BATF2: variants seen among roughly 807,000 people sequenced by gnomAD.
The protein encoded by BATF2 is basic leucine zipper ATF-like transcription factor 2, also known as basic leucine zipper transcriptional factor ATF-like 2.
In BATF2, 4 loss-of-function variants were observed where a neutral mutation model predicts 7.3. The observed-to-expected ratio is 0.55, with a 90% CI of 0.27 to 1.26. BATF2 has a LOEUF of 1.26. Among genes scored for constraint, BATF2 ranks in the 50% most tolerant of loss-of-function variants. BATF2 has a pLI of 0.11. For missense variants in BATF2, 295 were observed against 340.5 expected (o/e 0.87, Z 1.05); for synonymous variants, 152 against 153.9 (o/e 0.99, Z 0.09).
chr11:64,994,324 A>T, intron 2 of BATF2, 124 bp downstream of exon 2: 1 of 942,326 alleles, frequency 1.1e-6, no homozygotes, highest in Non-Finnish European at 1.6e-6. Flanking sequence ...CTCATCCCAA[A>T]CTCAGGTGAC....
At chr11:64,991,153 A>ATTT (rs986602706) in intron 2 of BATF2, among the ~76,000 whole-genome samples, 4 of 113,020 alleles carry the variant, frequency 3.5e-5, no homozygotes, top group South Asian at 3.0e-4. Flanking sequence ...GGAATGATGA[A>ATTT]TTTTTTTTTT....
chr11:64,994,979 G>C (rs996140818), intron 1 of BATF2, among the ~76,000 whole-genome samples: 16 of 152,120 alleles, frequency 1.1e-4, no homozygotes, highest in Non-Finnish European at 2.2e-4. Flanking sequence ...CTCCCAAGTA[G>C]CTGGGACTAC....
At chr11:64,990,610 A>C in intron 2 of BATF2, 2 of 1,023,482 alleles carry the variant, frequency 2.0e-6, no homozygotes, top group South Asian at 7.7e-5. Flanking sequence ...ATCAATGTGC[A>C]GTTCTAAATA....
chr11:64,992,781 GA>G (rs1230252054), intron 2 of BATF2, among the ~76,000 whole-genome samples: 1 of 151,952 alleles, frequency 6.6e-6, no homozygotes, highest in Admixed American at 6.6e-5. Context: ...AGGATCGCTT[GA>G]GCCTGGGAAG....
intron 2 of BATF2, among the ~76,000 whole-genome samples, chr11:64,990,892 A>C (rs1204870286): frequency 3.3e-5 from 5 of 151,570 alleles, no homozygotes; most frequent in Non-Finnish European, 7.4e-5. Flanking sequence ...CCAGGTTCAC[A>C]CCATTCTCCT....
chr11:64,993,220 C>T (rs1351325747), intron 2 of BATF2, among the ~76,000 whole-genome samples: 2 of 151,818 alleles, frequency 1.3e-5, no homozygotes, highest in African/African-American at 2.4e-5. Flanking sequence ...ATTAGGTGGG[C>T]GTAGTGGCGC....
chr11:64,989,762 C>T lies in BATF2; in HGVS notation c.192G>A (p.Gln64=), dbSNP rs977471241. The change falls in exon 3 of 3, where the codon CAG becomes CAA. Residue 64 remains glutamine, a synonymous_variant. Transcript: ENST00000301887. This position sits in a 1 kb window ranked among gnomAD's most constrained non-coding sequence, Gnocchi z 4.3. ...ACCACGCCAGCTCGGCCTGCAGGGACTGGATCTCCTTCCGCAGGGCGAGGT... is the reference window on the plus strand; with the variant it reads ...ACCACGCCAGCTCGGCCTGCAGGGATTGGATCTCCTTCCGCAGGGCGAGGT... ...KDNLALRKEI[Q]SLQAELAWWS... 6.2e-7 allele frequency: 1 copy of T among 1,613,884 alleles called. No homozygotes were observed. Among genetic ancestry groups the T allele is most frequent in the Non-Finnish European group, 8.5e-7 (1 of 1,180,024 alleles).
chr11:64,992,731 C>T (rs1946086244), intron 2 of BATF2, among the ~76,000 whole-genome samples: 1 of 151,542 alleles, frequency 6.6e-6, no homozygotes. Flanking sequence ...TGTGATGGTG[C>T]ATGCCTGTAG....
chr11:64,990,643 G>A, intron 2 of BATF2: 3 of 997,736 alleles, frequency 3.0e-6, no homozygotes, highest in Non-Finnish European at 3.6e-6. Flanking sequence ...GACAGTAATG[G>A]TAAAAATGCA....
At position 64,994,472 on chromosome 11, in the gene BATF2, T is replaced by C. The variant is rs372351542; in HGVS notation, c.117A>G (p.Thr39=). ...CCTGGTGCAGGGCGTCTGCCTTGTC[T>C]GTGTGCTTCTGCCGGCTTCGCTGGG... ...AAAQRSRQKH[T]DKADALHQQH... Residue 39 remains threonine, a synonymous_variant, in exon 2 of 3, where the codon ACA becomes ACG. Transcript: ENST00000301887. 1 of 1,595,864 alleles carries C rather than the reference T, an allele frequency of 6.3e-7. No individual in the cohort carries two copies. Among genetic ancestry groups the C allele is most frequent in the East Asian group, 2.3e-5 (1 of 44,186 alleles).
intron 2 of BATF2, among the ~76,000 whole-genome samples, chr11:64,993,013 T>A (rs1946088074): frequency 6.8e-6 from 1 of 147,882 alleles, no homozygotes. Context: ...ATAAAGAATA[T>A]GAAGAAATAA....
At chr11:64,990,056 G>A in intron 2 of BATF2, 1 of 1,537,008 alleles carries the variant, frequency 6.5e-7, no homozygotes, top group Non-Finnish European at 8.7e-7. Context: ...AGTGCCCTGA[G>A]CCGGTGCCAT....
intron 1 of BATF2, 113 bp downstream of exon 1, chr11:64,996,763 C>T: frequency 7.6e-7 from 1 of 1,318,242 alleles, no homozygotes; most frequent in South Asian, 1.3e-5. Flanking sequence ...TCACACTGCT[C>T]AGAGTATAGA....
intron 2 of BATF2, 63 bp downstream of exon 2, chr11:64,994,385 A>G: frequency 1.4e-6 from 2 of 1,469,834 alleles, no homozygotes; most frequent in Non-Finnish European, 1.9e-6. Flanking sequence ...TGGGATGGAG[A>G]AGAGGTGGCT....
rs1263495874 is a variant in BATF2, at chr11:64,995,786, G to A, written c.39+1090C>T. The stretch of plus-strand genomic sequence containing the variant: ...AGATTCTGAATGCTCCTAGGCTCCT[G>A]CTCCATATGCTCCCTTGGGCCATGT... On this transcript the variant is annotated intron_variant, in intron 1 of 2. Coordinates refer to ENST00000301887, the MANE Select transcript of BATF2 (RefSeq NM_138456.4). 2.6e-5 allele frequency among the ~76,000 whole-genome samples: 4 copies of A among 152,164 alleles called. No individual in the cohort carries two copies. In the South Asian group the frequency reaches 8.3e-4, roughly 32 times the overall value.
At chr11:64,991,391 GT>G (rs1016480099) in intron 2 of BATF2, among the ~76,000 whole-genome samples, 1 of 151,936 alleles carries the variant, frequency 6.6e-6, no homozygotes, top group Admixed American at 6.6e-5. Flanking sequence ...TCCTGACCTC[GT>G]GATCCGCCAG....
chr11:64,993,189 G>T (rs1946089323), intron 2 of BATF2, among the ~76,000 whole-genome samples: 1 of 152,028 alleles, frequency 6.6e-6, no homozygotes, highest in Non-Finnish European at 1.5e-5. Flanking sequence ...GTGAAACCCC[G>T]TCTCTGCTAA....
At chr11:64,993,419 C>T (rs1946090550) in intron 2 of BATF2, among the ~76,000 whole-genome samples, 1 of 152,094 alleles carries the variant, frequency 6.6e-6, no homozygotes, top group Non-Finnish European at 1.5e-5. Flanking sequence ...ATCACTCTGT[C>T]CTCTCACATG....
rs200380956 is a variant in BATF2, at chr11:64,989,398, G to T, written c.556C>A (p.Gln186Lys). 2.2e-5 allele frequency: 35 copies of T among 1,587,684 alleles called. No homozygotes were observed. The highest frequency in any genetic ancestry group is 2.8e-5 in the Non-Finnish European group (33 of 1,166,164). ...GCACTGAGCTTAGAGGAAGACCCCT[G>T]CAGGCTGGAACCAGTGTGCGAGGCA... ...LFASHTGSSL[Q>K]GSSSKLSALQ... is the part of the protein sequence containing the mutation. Residue 186 changes from glutamine (Q) to lysine (K), a missense_variant, in exon 3 of 3, where the codon CAG (glutamine) becomes AAG (lysine). By Grantham distance (53) the Gln-to-Lys change is moderately conservative. Coordinates refer to ENST00000301887, the MANE Select transcript of BATF2 (RefSeq NM_138456.4). The surrounding 1 kb of genome is among the most constrained non-coding windows in gnomAD (Gnocchi z 4.3).
Sources: gnomAD v4.1 joint callset for allele counts (sites outside exome capture counted in the v4.1 genomes callset) on GRCh38, gnomAD v4.1.1 for gene constraint, Gnocchi (gnomAD v3.1) non-coding constraint, MANE v1.5 for transcripts, NCBI Gene and HGNC (gene_info 2026-07-23, HGNC 2026-07-21) for gene names.